The following LEKR1 variants were observed in gnomAD, a reference collection of about 807,000 sequenced individuals.
LEKR1 encodes leucine, glutamate and lysine rich 1.
Under a neutral mutation model 72.4 loss-of-function variants are expected in LEKR1, and 59 were observed. The observed-to-expected ratio is 0.82, with a 90% CI of 0.66 to 1.01. The LOEUF is 1.01. Ranked by LOEUF, LEKR1 falls within the 50% of genes least tolerant of loss-of-function variation. The probability of loss-of-function intolerance (pLI) is 0.00; values close to 1 mark genes in which losing one functional copy is unlikely to be tolerated. For missense variants in LEKR1, 728 were observed against 759.2 expected, an observed-to-expected ratio of 0.96 and a Z score of 0.48; for synonymous variants, 257 against 263.2, an observed-to-expected ratio of 0.98 and a Z score of 0.23.
rs1051284045 is a variant in LEKR1 at position 156,927,577 on chromosome 3, A to T, written c.532A>T (p.Lys178Ter). Reference sequence around the variant, plus strand: ...GAAAGGAGCAGTTTTTCTACAAATTAAATCTATAAGTGAAACAGCCTTGAC... The same window carrying T: ...GAAAGGAGCAGTTTTTCTACAAATTTAATCTATAAGTGAAACAGCCTTGAC... ...SLKGAVFLQI[K>*]SISETALTEI... Residue 178 changes from lysine to a stop codon, truncating the protein, a stop_gained, in exon 5 of 13, where the codon AAA becomes TAA. Transcript: ENST00000356539. LOFTEE classifies it high-confidence loss of function. 8.1e-7 allele frequency: 1 copy of T among 1,236,682 alleles called. No homozygotes were observed. 76.6% of individuals were successfully genotyped at this position (1,236,682 alleles called of 1,614,324 possible).
At chr3:156,953,886 TA>T (rs564901633) in intron 6 of LEKR1, among the ~76,000 whole-genome samples, 91 of 152,122 alleles carry the variant, frequency 6.0e-4, no homozygotes, top group African/African-American at 2.1e-3. Context: ...ATATACCCAG[TA>T]ACGGGATTGC....
chr3:156,939,707 A>AT (rs1237499161), intron 5 of LEKR1, among the ~76,000 whole-genome samples: 1 of 152,164 alleles, frequency 6.6e-6, no homozygotes, highest in African/African-American at 2.4e-5. Flanking sequence ...TGTAATTGAT[A>AT]TTTTTTAAAA....
rs974122295 is a variant in LEKR1, at chr3:157,045,664, C to T, written c.1993C>T (p.His665Tyr). Residue 665 changes from histidine to tyrosine, a missense_variant, in exon 13 of 13, where the codon CAT becomes TAT. Physicochemically the swap from His to Tyr is moderately conservative, Grantham distance 83 (BLOSUM62 2). Transcript: ENST00000356539. The part of the protein sequence containing the change: ...RSGVPILPQP[H>Y]PPRGGASSAN... ...AGGCGTGCCCATTCTCCCCCAGCCA[C>T]ATCCTCCCAGGGGTGGAGCATCTTC... 1 of 1,614,094 alleles carries T rather than the reference C, an allele frequency of 6.2e-7. No homozygotes were observed. The highest frequency in any genetic ancestry group is 2.2e-5 in the East Asian group (1 of 44,878).
intron 6 of LEKR1, among the ~76,000 whole-genome samples, chr3:156,952,645 G>A (rs1375234623): frequency 6.6e-6 from 1 of 151,396 alleles, no homozygotes; most frequent in Non-Finnish European, 1.5e-5. Flanking sequence ...CTAGAGACTA[G>A]TTTTCAATAT....
intron 6 of LEKR1, among the ~76,000 whole-genome samples, chr3:156,972,535 A>G (rs1409806037): frequency 2.0e-5 from 3 of 152,008 alleles, no homozygotes; most frequent in African/African-American, 7.2e-5. Flanking sequence ...AACAGATTTT[A>G]GTTTAAATGA....
intron 2 of LEKR1, among the ~76,000 whole-genome samples, chr3:156,846,844 G>T (rs1330855731): frequency 1.3e-5 from 2 of 152,062 alleles, no homozygotes; most frequent in Admixed American, 1.3e-4. Context: ...ACAAGGTCTT[G>T]CTCTGTTGCC....
At chr3:157,033,605 G>C (rs1734769398) in intron 12 of LEKR1, among the ~76,000 whole-genome samples, 1 of 152,186 alleles carries the variant, frequency 6.6e-6, no homozygotes, top group African/African-American at 2.4e-5. Flanking sequence ...TTCAAGACAA[G>C]AAGCCATTTC....
At chr3:156,901,926 CA>C (rs1439529527) in intron 3 of LEKR1, among the ~76,000 whole-genome samples, 1 of 152,192 alleles carries the variant, frequency 6.6e-6, no homozygotes, top group Non-Finnish European at 1.5e-5. Flanking sequence ...CCTTGTGATC[CA>C]AACGCCTTGG....
chr3:156,845,995 C>A (rs1337621910), intron 2 of LEKR1, among the ~76,000 whole-genome samples: 1 of 152,040 alleles, frequency 6.6e-6, no homozygotes, highest in East Asian at 1.9e-4. Context: ...ATTTCATCAG[C>A]ATTTTGTAGT....
At chr3:157,032,952 CATT>C (rs1734723224) in intron 12 of LEKR1, among the ~76,000 whole-genome samples, 2 of 152,094 alleles carry the variant, frequency 1.3e-5, no homozygotes, top group African/African-American at 4.8e-5. Context: ...TAAACTCTTT[CATT>C]ATTATTATAT....
At chr3:157,035,193 C>T (rs1172261866) in intron 12 of LEKR1, among the ~76,000 whole-genome samples, 1 of 152,136 alleles carries the variant, frequency 6.6e-6, no homozygotes, top group African/African-American at 2.4e-5. Flanking sequence ...CCAAAAAATT[C>T]ATGTGACTTT....
At chr3:157,031,729 A>C (rs1734628424) in intron 12 of LEKR1, among the ~76,000 whole-genome samples, 4 of 152,204 alleles carry the variant, frequency 2.6e-5, no homozygotes, top group Admixed American at 6.6e-5. Context: ...CATTCGAATG[A>C]AAATAAATTA....
At chr3:157,043,689 T>C (rs1438031104) in intron 12 of LEKR1, among the ~76,000 whole-genome samples, 1 of 152,194 alleles carries the variant, frequency 6.6e-6, no homozygotes, top group African/African-American at 2.4e-5. Flanking sequence ...ACATGGTGCC[T>C]TGTTAATCTT....
chr3:156,933,400 G>T (rs572937838), intron 5 of LEKR1, among the ~76,000 whole-genome samples: 23 of 152,226 alleles, frequency 1.5e-4, no homozygotes, highest in African/African-American at 5.1e-4. Context: ...CAAAGTGGTT[G>T]TTCCTTTCAC....
At chr3:156,879,117 C>G (rs1306609685) in intron 3 of LEKR1, among the ~76,000 whole-genome samples, 1 of 152,066 alleles carries the variant, frequency 6.6e-6, no homozygotes, top group Non-Finnish European at 1.5e-5. Flanking sequence ...AACTGGGTAA[C>G]AGGCAGAGGT....
chr3:156,852,882 C>G lies in LEKR1; in HGVS notation c.163C>G (p.Gln55Glu). ...AATGGAAAAAGAGATGAAATTTTAT[C>G]AAGGAAGTGTAGATCGTGAAAAGAG... ...KAMEKEMKFY[Q>E]GSVDREKRLQ... is the part of the protein sequence containing the mutation. Residue 55 changes from glutamine (Q) to glutamate (E), a missense_variant, in exon 3 of 13, where the codon CAA becomes GAA. Coordinates refer to ENST00000356539, the MANE Select transcript of LEKR1 (RefSeq NM_001004316.3). The G allele has an allele frequency of 6.5e-7, 1 of 1,534,246 alleles. No homozygotes were observed. The highest frequency in any genetic ancestry group is 8.7e-7 in the Non-Finnish European group (1 of 1,144,650).
chr3:156,973,635 A>G (rs1248749606), intron 6 of LEKR1, among the ~76,000 whole-genome samples: 1 of 152,144 alleles, frequency 6.6e-6, no homozygotes, highest in African/African-American at 2.4e-5. Flanking sequence ...AATATAGACC[A>G]TCATTCATCA....
At chr3:156,848,140 G>T (rs151046575) in intron 2 of LEKR1, among the ~76,000 whole-genome samples, 1 of 152,276 alleles carries the variant, frequency 6.6e-6, no homozygotes, top group African/African-American at 2.4e-5. Context: ...AAACTAAAAT[G>T]CAAGATGGGC....
intron 3 of LEKR1, among the ~76,000 whole-genome samples, chr3:156,887,954 A>G (rs556942714): frequency 3.2e-4 from 48 of 152,328 alleles, no homozygotes; most frequent in African/African-American, 1.2e-3. Context: ...GACAAACTCA[A>G]GATAGTTGAC....
Sources: gnomAD v4.1 joint callset for allele counts (sites outside exome capture counted in the v4.1 genomes callset) on GRCh38, gnomAD v4.1.1 for gene constraint, MANE v1.5 for transcripts, NCBI Gene and HGNC (gene_info 2026-07-23, HGNC 2026-07-21) for gene names.